RFX3: variants seen among roughly 807,000 people sequenced by gnomAD.
RFX3 encodes regulatory factor X3.
RFX3 carries 14 observed loss-of-function variants against 98.6 expected under a neutral mutation model. The observed-to-expected ratio is 0.14, with a 90% confidence interval of 0.09 to 0.22. The LOEUF (loss-of-function observed/expected upper bound fraction) is 0.22. RFX3 is among the 10% of genes least tolerant of loss of function. The pLI, the probability that RFX3 is intolerant of heterozygous loss-of-function variation, is 1.00. For missense variants in RFX3, 639 were observed against 926.9 expected (o/e 0.69, Z 4.03); for synonymous variants, 383 against 328.4 (o/e 1.17, Z -1.80).
chr9:3,220,914 T>A lies in RFX3; in HGVS notation c.*4128A>T, dbSNP rs1817313364. The A allele has an allele frequency of 6.6e-6, 1 of 152,206 alleles. No homozygotes were observed. Among genetic ancestry groups the A allele is most frequent in the South Asian group, 2.1e-4 (1 of 4,836 alleles). The allele number at this position is 152,206 out of a possible 1,614,324, so 9.4% of individuals were successfully genotyped here. On this transcript the variant is annotated 3_prime_UTR_variant, in exon 17 of 17. Coordinates refer to ENST00000617270, the MANE Select transcript of RFX3 (RefSeq NM_001282116.2). ...TTCTAACCATATACATGGAGGTTGT[T>A]CTGATCTAACAACAAGCCCAATTTT...
intron 1 of RFX3, among the ~76,000 whole-genome samples, chr9:3,416,535 G>C (rs977602523): frequency 2.6e-5 from 4 of 152,158 alleles, no homozygotes; most frequent in Non-Finnish European, 4.4e-5. Context: ...TCTGAAGTGA[G>C]AAATTCTCAA....
chr9:3,346,797 G>A, intron 2 of RFX3, 33 bp from the exon 3 acceptor site: 2 of 1,347,064 alleles, frequency 1.5e-6, no homozygotes, highest in Non-Finnish European at 1.1e-6. Flanking sequence ...TTGGTAAGAG[G>A]TAGGTATGAT....
chr9:3,280,268 G>T (rs919914658), intron 7 of RFX3, among the ~76,000 whole-genome samples: 1 of 151,838 alleles, frequency 6.6e-6, no homozygotes, highest in Non-Finnish European at 1.5e-5. Context: ...ATGACATCAA[G>T]ATGGTAATAT....
rs1156378337 is a variant in RFX3, at chr9:3,330,506, G to A, written c.227C>T (p.Thr76Met). The A allele has an allele frequency of 1.9e-6, 3 of 1,605,200 alleles. No individual in the cohort carries two copies. The highest frequency in any genetic ancestry group is 2.6e-6 in the Non-Finnish European group (3 of 1,172,860). The change falls in exon 4 of 17, where the codon ACG becomes ATG. Residue 76 changes from threonine to methionine, a missense_variant. Physicochemically the swap from Thr to Met is moderately conservative, Grantham distance 81. Around this residue, in one of 9 missense-constraint regions of RFX3, gnomAD observed 210 missense variants for 197.7 expected, o/e 1.06. Coordinates refer to ENST00000617270, the MANE Select transcript of RFX3 (RefSeq NM_001282116.2). ...VYTNGAIRTT[T>M]YPYTETQMYS... ...CATCTGTGTCTCTGTGTAAGGATACGTTGTTGTTCGGCTTTAGAAGAAGAA... is the reference window on the plus strand; with the variant it reads ...CATCTGTGTCTCTGTGTAAGGATACATTGTTGTTCGGCTTTAGAAGAAGAA...
At chr9:3,242,635 G>C (rs1030479899) in intron 15 of RFX3, among the ~76,000 whole-genome samples, 2 of 151,924 alleles carry the variant, frequency 1.3e-5, no homozygotes, top group African/African-American at 4.8e-5. Flanking sequence ...CTTTCACTGA[G>C]CTTTTATCCC....
At chr9:3,468,596 A>T (rs1336733912) in intron 1 of RFX3, among the ~76,000 whole-genome samples, 1 of 152,294 alleles carries the variant, frequency 6.6e-6, no homozygotes, top group East Asian at 1.9e-4. Context: ...CTTAGCACTA[A>T]ATCAATTTAA....
At chr9:3,459,848 A>T (rs1847528479) in intron 1 of RFX3, among the ~76,000 whole-genome samples, 1 of 152,068 alleles carries the variant, frequency 6.6e-6, no homozygotes, top group Non-Finnish European at 1.5e-5. Context: ...ATCTTCCACT[A>T]ATAACTCTAA....
chr9:3,242,215 T>C (rs1310382589), intron 15 of RFX3, among the ~76,000 whole-genome samples: 1 of 152,202 alleles, frequency 6.6e-6, no homozygotes, highest in Non-Finnish European at 1.5e-5. Flanking sequence ...TACTGAGACA[T>C]CTTTTGCAAG....
At chr9:3,414,374 G>A (rs540135774) in intron 1 of RFX3, among the ~76,000 whole-genome samples, 3 of 151,856 alleles carry the variant, frequency 2.0e-5, no homozygotes, top group African/African-American at 7.3e-5. Flanking sequence ...AAATCAGTGA[G>A]AAATTAAAAA....
intron 2 of RFX3, among the ~76,000 whole-genome samples, chr9:3,389,819 C>A (rs1031717694): frequency 2.0e-5 from 3 of 152,018 alleles, no homozygotes; most frequent in Non-Finnish European, 4.4e-5. Context: ...ATACCACAAA[C>A]TGAAAAAAGT....
intron 1 of RFX3, among the ~76,000 whole-genome samples, chr9:3,501,064 T>C (rs76865279): frequency 6.6e-6 from 1 of 152,180 alleles, no homozygotes; most frequent in African/African-American, 2.4e-5. Context: ...AGCTTCAATA[T>C]AATTAAGTGT....
At chr9:3,326,688 G>C (rs1831962062) in intron 4 of RFX3, among the ~76,000 whole-genome samples, 1 of 152,126 alleles carries the variant, frequency 6.6e-6, no homozygotes, top group Admixed American at 6.6e-5. Flanking sequence ...CGGGTGCATA[G>C]TATTCCATGG....
intron 4 of RFX3, among the ~76,000 whole-genome samples, chr9:3,322,720 G>A (rs1383251043): frequency 1.3e-5 from 2 of 152,172 alleles, no homozygotes; most frequent in East Asian, 3.9e-4. Flanking sequence ...GTGACAGAGT[G>A]AGACTCCATC....
At chr9:3,497,184 G>A (rs1443996530) in intron 1 of RFX3, among the ~76,000 whole-genome samples, 2 of 152,018 alleles carry the variant, frequency 1.3e-5, no homozygotes, top group African/African-American at 4.8e-5. Context: ...ACCAATTCAG[G>A]CTACTTAACT....
chr9:3,257,998 G>C (rs531511503), intron 13 of RFX3, among the ~76,000 whole-genome samples: 2 of 152,186 alleles, frequency 1.3e-5, no homozygotes, highest in South Asian at 4.1e-4. Context: ...TGTTTCCAGT[G>C]CTATGTTGTA....
intron 4 of RFX3, among the ~76,000 whole-genome samples, chr9:3,318,843 A>AT (rs1296541482): frequency 2.0e-5 from 3 of 152,176 alleles, no homozygotes; most frequent in Non-Finnish European, 4.4e-5. Flanking sequence ...TATAAATTGA[A>AT]TGTGTTCTGA....
At chr9:3,399,558 C>G (rs1017149573) in intron 1 of RFX3, among the ~76,000 whole-genome samples, 1 of 152,152 alleles carries the variant, frequency 6.6e-6, no homozygotes, top group South Asian at 2.1e-4. Flanking sequence ...AATGGTTATA[C>G]TCTTTTCAAT....
chr9:3,293,154 G>T lies in RFX3; in HGVS notation c.654C>A (p.Asp218Glu). The T allele has an allele frequency of 6.2e-7, 1 of 1,613,600 alleles. No individual in the cohort carries two copies. The highest frequency in any genetic ancestry group is 8.5e-7 in the Non-Finnish European group (1 of 1,179,730). The change falls in exon 6 of 17, where the codon GAC (aspartate) becomes GAA (glutamate). Residue 218 changes from aspartate (D) to glutamate (E), a missense_variant. By Grantham distance (45) the Asp-to-Glu change is conservative. This residue lies in a region of RFX3 where 24 missense variants were observed against 74.5 expected (regional missense o/e 0.32). Coordinates refer to ENST00000617270, the MANE Select transcript of RFX3 (RefSeq NM_001282116.2). ...TTCCAAAAGAGGCAGCATTGACTGGGTCCAGTTTGTGTTCCTGACAGTGTC... is the reference window on the plus strand; with the variant it reads ...TTCCAAAAGAGGCAGCATTGACTGGTTCCAGTTTGTGTTCCTGACAGTGTC... ...YLRHCQEHKLDPVNAASFGKL... is the reference protein window; with the variant it reads ...YLRHCQEHKLEPVNAASFGKL...
chr9:3,332,737 C>G (rs1334505749), intron 3 of RFX3, among the ~76,000 whole-genome samples: 2 of 152,154 alleles, frequency 1.3e-5, no homozygotes, highest in Admixed American at 1.3e-4. Context: ...GCCATGTTAT[C>G]AAATGCTCTC....
Sources: allele counts gnomAD v4.1 joint callset (sites outside exome capture counted in the v4.1 genomes callset), GRCh38; gene constraint gnomAD v4.1.1; regional missense constraint gnomAD v4.1.1; transcripts MANE v1.5; gene names NCBI Gene and HGNC (gene_info 2026-07-23, HGNC 2026-07-21).